The following PCDHGA11 variants were observed in gnomAD, a reference collection of about 807,000 sequenced individuals.
PCDHGA11 encodes the protein protocadherin gamma subfamily A, 11.
Under a neutral mutation model 60.4 loss-of-function variants are expected in PCDHGA11, and 39 were observed. The observed-to-expected ratio is 0.65, with a 90% CI of 0.50 to 0.84. The LOEUF (loss-of-function observed/expected upper bound fraction) is 0.84, where lower values mean the gene tolerates loss of function less well. Ranked by LOEUF, PCDHGA11 falls within the 40% of genes least tolerant of loss-of-function variation. PCDHGA11 has a pLI of 0.00. For missense variants in PCDHGA11, 1,165 were observed against 1,197.7 expected (o/e 0.97, Z 0.40); for synonymous variants, 533 against 510.3 (o/e 1.04, Z -0.60).
intron 1 of PCDHGA11, chr5:141,430,452 A>G (rs566189732): frequency 2.0e-3 from 408 of 202,442 alleles, no homozygotes; most frequent in South Asian, 3.8e-3. Context: ...CCTTTTGAAG[A>G]ACAGTAGGTG....
intron 1 of PCDHGA11, among the ~76,000 whole-genome samples, chr5:141,448,604 A>G (rs954578256): frequency 1.3e-5 from 2 of 152,118 alleles, no homozygotes; most frequent in Non-Finnish European, 2.9e-5. Flanking sequence ...AATACTATAC[A>G]CCACTTTATA....
rs770219250 is a variant in PCDHGA11, at chr5:141,477,852, T to C, written c.2434-16955T>C. Reference sequence around the variant, plus strand: ...CGGCCAGGTGGGAGCTCGGTGGAGATGCTGCCTCGAGGTACCTCAGCTGGC... The same window carrying C: ...CGGCCAGGTGGGAGCTCGGTGGAGACGCTGCCTCGAGGTACCTCAGCTGGC... On this transcript the variant is annotated intron_variant, in intron 1 of 3. Transcript: ENST00000398587. This position sits in a 1 kb window ranked among gnomAD's most constrained non-coding sequence, Gnocchi z 4.9. The C allele has an allele frequency of 6.2e-7, 1 of 1,613,654 alleles. No homozygotes were observed. Among genetic ancestry groups the C allele is most frequent in the Admixed American group, 1.7e-5 (1 of 59,980 alleles).
In PCDHGA11 at chr5:141,421,846, G is replaced by A. The variant is rs1187020807; in HGVS notation, c.619G>A (p.Ala207Thr). The A allele has an allele frequency of 1.2e-6, 2 of 1,613,642 alleles. No individual in the cohort carries two copies. The highest frequency in any genetic ancestry group is 4.5e-5 in the East Asian group (2 of 44,894). The change falls in exon 1 of 4, where the codon GCT (alanine) becomes ACT (threonine). Residue 207 changes from alanine to threonine, a missense_variant. Transcript: ENST00000398587. Reference protein sequence around the residue: ...LEGSLDREKEAAHLLLLTALD... With the variant: ...LEGSLDREKETAHLLLLTALD... ...GGGAAGCCTGGACCGAGAGAAAGAG[G>A]CTGCTCACCTGCTCCTCCTCACAGC...
intron 1 of PCDHGA11, among the ~76,000 whole-genome samples, chr5:141,484,072 G>A (rs2099591675): frequency 6.6e-6 from 1 of 152,258 alleles, no homozygotes; most frequent in Admixed American, 6.5e-5. Flanking sequence ...TGAAAAGCTT[G>A]CTCTTTTGAA....
At chr5:141,447,576 A>G (rs758449068) in intron 1 of PCDHGA11, among the ~76,000 whole-genome samples, 6 of 152,214 alleles carry the variant, frequency 3.9e-5, no homozygotes, top group African/African-American at 7.2e-5. Context: ...CTATGTCCAC[A>G]CATACCTTAA....
Position 141,490,121 on chromosome 5 carries a change from G to A in PCDHGA11, c.2434-4686G>A. On this transcript the variant is annotated intron_variant, in intron 1 of 3. Coordinates refer to ENST00000398587, the MANE Select transcript of PCDHGA11 (RefSeq NM_018914.3). The surrounding 1 kb of genome is among the most constrained non-coding windows in gnomAD (Gnocchi z 5.4). Reference sequence around the variant, plus strand: ...TCTGAGGCAGTGCGGAACCTCTTTGGCCTAGACCCTAGCAGTGGGGCAATC... The same window carrying A: ...TCTGAGGCAGTGCGGAACCTCTTTGACCTAGACCCTAGCAGTGGGGCAATC... 1 of 1,614,256 alleles carries A rather than the reference G, an allele frequency of 6.2e-7. No individual in the cohort carries two copies. Among genetic ancestry groups the A allele is most frequent in the Non-Finnish European group, 8.5e-7 (1 of 1,180,052 alleles).
intron 1 of PCDHGA11, among the ~76,000 whole-genome samples, chr5:141,426,066 A>T (rs1488003387): frequency 6.6e-6 from 1 of 152,196 alleles, no homozygotes; most frequent in Admixed American, 6.5e-5. Context: ...CAAGAACTGG[A>T]GCCTGGGATC....
Position 141,489,968 on chromosome 5 carries a change from A to G in PCDHGA11, c.2434-4839A>G. 6.2e-7 allele frequency: 1 copy of G among 1,614,146 alleles called. No homozygotes were observed. The highest frequency in any genetic ancestry group is 2.2e-5 in the East Asian group (1 of 44,880). On this transcript the variant is annotated intron_variant, in intron 1 of 3. Coordinates refer to ENST00000398587, the MANE Select transcript of PCDHGA11 (RefSeq NM_018914.3). This position sits in a 1 kb window ranked among gnomAD's most constrained non-coding sequence, Gnocchi z 4.5. Reference sequence around the variant, plus strand: ...ATCAATGATAATGCTCCAACCTTCCAATCCTCAGTTCTACGTGTGGGAATC... The same window carrying G: ...ATCAATGATAATGCTCCAACCTTCCGATCCTCAGTTCTACGTGTGGGAATC...
At chr5:141,472,807 G>T (rs573078292) in intron 1 of PCDHGA11, among the ~76,000 whole-genome samples, 43 of 151,782 alleles carry the variant, frequency 2.8e-4, no homozygotes, top group African/African-American at 1.0e-3. Flanking sequence ...CCAACATGGA[G>T]AAACCCCCGT....
chr5:141,465,881 G>T (rs1000308014), intron 1 of PCDHGA11, among the ~76,000 whole-genome samples: 1 of 151,960 alleles, frequency 6.6e-6, no homozygotes, highest in African/African-American at 2.4e-5. Flanking sequence ...CCAGCACTTT[G>T]GGAGGCCGAG....
At chr5:141,505,202 T>C (rs778935321) in intron 2 of PCDHGA11, among the ~76,000 whole-genome samples, 191 bp from the exon 3 acceptor site, 3 of 152,012 alleles carry the variant, frequency 2.0e-5, no homozygotes, top group Non-Finnish European at 4.4e-5. Flanking sequence ...AAAGAGCTGG[T>C]TTGAGGGACT....
intron 1 of PCDHGA11, among the ~76,000 whole-genome samples, chr5:141,463,809 T>G (rs964935762): frequency 1.3e-5 from 2 of 152,216 alleles, no homozygotes; most frequent in African/African-American, 4.8e-5. Context: ...TAAAAGCTTT[T>G]ATCACACATT....
At chr5:141,450,608 T>A (rs916441293) in intron 1 of PCDHGA11, among the ~76,000 whole-genome samples, 1 of 151,894 alleles carries the variant, frequency 6.6e-6, no homozygotes, top group East Asian at 1.9e-4. Flanking sequence ...TGCCTCAGCC[T>A]CCTGAGTAGC....
intron 2 of PCDHGA11, among the ~76,000 whole-genome samples, chr5:141,501,324 CA>C (rs1311475307): frequency 7.2e-5 from 11 of 151,778 alleles, no homozygotes; most frequent in African/African-American, 1.9e-4. Flanking sequence ...CACACACACA[CA>C]CACACACACC....
At chr5:141,427,946 T>A (rs769401863) in intron 1 of PCDHGA11, 1 of 1,586,550 alleles carries the variant, frequency 6.3e-7, no homozygotes, top group Middle Eastern at 1.7e-4. Flanking sequence ...GCGACCTCAA[T>A]GACAATGTGC....
intron 1 of PCDHGA11, chr5:141,433,257 G>T: frequency 7.2e-7 from 1 of 1,385,416 alleles, no homozygotes; most frequent in Non-Finnish European, 9.9e-7. Context: ...GCAGCGGTAC[G>T]ATCATAGCTC....
In PCDHGA11 at chr5:141,511,296, A is replaced by C; in HGVS notation, c.*123A>C. 1 of 1,505,968 alleles carries C rather than the reference A, an allele frequency of 6.6e-7. No individual in the cohort carries two copies. The allele number at this position is 1,505,968 out of a possible 1,614,324, so 93.3% of individuals were successfully genotyped here. On this transcript the variant is annotated 3_prime_UTR_variant, in exon 4 of 4. Coordinates refer to ENST00000398587, the MANE Select transcript of PCDHGA11 (RefSeq NM_018914.3). ...CAGAATACTGGTAGGGGCCAAGGCCATGCTCCCCTTGGGAAACAGAAACAA... is the reference window on the plus strand; with the variant it reads ...CAGAATACTGGTAGGGGCCAAGGCCCTGCTCCCCTTGGGAAACAGAAACAA...
intron 2 of PCDHGA11, among the ~76,000 whole-genome samples, chr5:141,496,230 C>T (rs1336418553): frequency 2.6e-5 from 4 of 152,160 alleles, no homozygotes; most frequent in Admixed American, 2.0e-4. Flanking sequence ...AGACAGGAAC[C>T]CCCTGCGGGC....
intron 1 of PCDHGA11, among the ~76,000 whole-genome samples, chr5:141,430,101 G>C (rs918427744): frequency 6.6e-6 from 1 of 152,036 alleles, no homozygotes; most frequent in African/African-American, 2.4e-5. Context: ...ATTTTTAAGC[G>C]TTACATGTCA....
Sources: gnomAD v4.1 joint callset for allele counts (sites outside exome capture counted in the v4.1 genomes callset) on GRCh38, gnomAD v4.1.1 for gene constraint, Gnocchi (gnomAD v3.1) non-coding constraint, MANE v1.5 for transcripts, NCBI Gene and HGNC (gene_info 2026-07-23, HGNC 2026-07-21) for gene names.